MITF: variants seen among roughly 807,000 people sequenced by gnomAD.
MITF encodes microphthalmia-associated transcription factor.
MITF carries 17 observed loss-of-function variants against 60.5 expected under a neutral mutation model. The observed-to-expected ratio is 0.28, with a 90% CI of 0.19 to 0.42. The LOEUF (loss-of-function observed/expected upper bound fraction) is 0.42. Ranked by LOEUF, MITF falls within the 10% of genes least tolerant of loss-of-function variation. MITF has a pLI of 1.00. For synonymous variants in MITF, 260 were observed against 248.5 expected, an observed-to-expected ratio of 1.05 and a Z score of -0.43; for missense variants, 622 against 683.5, an observed-to-expected ratio of 0.91 and a Z score of 1.00.
chr3:69,953,660 T>TAG lies in MITF; in HGVS notation c.955+1775_955+1776insGA, dbSNP rs1315718862. ...ATATATATGTATGTATATATATATA[T>TAG]ATAGAGAGAGAGAGAGAGAGAGAGA... On this transcript the variant is annotated intron_variant, in intron 7 of 9. Transcript: ENST00000352241. Among the ~76,000 whole-genome samples, 651 of 135,704 alleles carry TAG rather than the reference T, an allele frequency of 4.8e-3. 3 individuals are homozygous for TAG. The highest frequency in any genetic ancestry group is 7.5e-3 in the Middle Eastern group (2 of 268). 89.0% of individuals were successfully genotyped at this position (135,704 alleles called of 152,430 possible). A position where few individuals can be genotyped will look rare whatever the true frequency, so the allele number is the denominator to read the frequency against.
chr3:69,907,438 A>T (rs2065124958), intron 2 of MITF, among the ~76,000 whole-genome samples: 2 of 152,192 alleles, frequency 1.3e-5, no homozygotes, highest in African/African-American at 4.8e-5. Flanking sequence ...TTGCAGCAGA[A>T]CAAGCAAATG....
intron 1 of MITF, among the ~76,000 whole-genome samples, chr3:69,811,031 C>G (rs542631257): frequency 6.6e-6 from 1 of 152,192 alleles, no homozygotes; most frequent in South Asian, 2.1e-4. Flanking sequence ...ATATTCTGCA[C>G]ATTAATTTTA....
intron 1 of MITF, among the ~76,000 whole-genome samples, chr3:69,819,570 G>A (rs948694829): frequency 5.3e-5 from 8 of 152,238 alleles, no homozygotes; most frequent in African/African-American, 1.9e-4. Context: ...CCTGGTAATA[G>A]CCGTGCCATT....
rs568575184 is a variant in MITF at position 69,887,612 on chromosome 3, A to G, written c.354+8229A>G. Among the ~76,000 whole-genome samples, 4 of 152,204 alleles carry G rather than the reference A, an allele frequency of 2.6e-5. 1 individual carries two copies. The highest frequency in any genetic ancestry group is 9.6e-5 in the African/African-American group (4 of 41,546). On this transcript the variant is annotated intron_variant, in intron 2 of 9. Transcript: ENST00000352241. ...AGGAAATGAATCCGAATTGGAGCAT[A>G]TGAATCAGGTAAAGCAGGGGGCTGT...
intron 1 of MITF, among the ~76,000 whole-genome samples, chr3:69,768,397 A>C (rs935529139): frequency 1.3e-4 from 20 of 152,332 alleles, no homozygotes; most frequent in Admixed American, 8.5e-4. Flanking sequence ...ATAGATTGAC[A>C]AGCATCTAGA....
chr3:69,804,225 TGATCAAGTTTTGTTA>T (rs2062968895), intron 1 of MITF, among the ~76,000 whole-genome samples: 1 of 152,220 alleles, frequency 6.6e-6, no homozygotes, highest in Non-Finnish European at 1.5e-5. Flanking sequence ...TTTTGTTTCT[TGATCAAGTTTTGTTA>T]GATTTCTCTT....
At chr3:69,963,504 G>A (rs1197801843) in intron 9 of MITF, among the ~76,000 whole-genome samples, 1 of 152,120 alleles carries the variant, frequency 6.6e-6, no homozygotes, top group Non-Finnish European at 1.5e-5. Context: ...CAACTTGGTA[G>A]CCATTTGAAA....
At chr3:69,888,569 G>A (rs148377848) in intron 2 of MITF, among the ~76,000 whole-genome samples, 6 of 152,022 alleles carry the variant, frequency 3.9e-5, no homozygotes, top group East Asian at 3.9e-4. Flanking sequence ...CTTAGCACAC[G>A]CCGCTAAGTA....
chr3:69,766,256 C>T (rs577305535), intron 1 of MITF, among the ~76,000 whole-genome samples: 1 of 151,042 alleles, frequency 6.6e-6, no homozygotes, highest in Non-Finnish European at 1.5e-5. Context: ...GATGGAGTCT[C>T]TTTCACCCAG....
chr3:69,963,644 C>T (rs530433464), intron 9 of MITF, among the ~76,000 whole-genome samples: 1 of 152,302 alleles, frequency 6.6e-6, no homozygotes, highest in Non-Finnish European at 1.5e-5. Context: ...TCAGATTGGA[C>T]ACCATCACCC....
In MITF at chr3:69,965,183, G is replaced by A. The variant is rs531830542; in HGVS notation, c.1516G>A (p.Gly506Arg). Residue 506 changes from glycine to arginine, a missense_variant, in exon 10 of 10, where the codon GGA becomes AGA. By Grantham distance (125) the Gly-to-Arg change is moderately radical. Coordinates refer to ENST00000352241, the MANE Select transcript of MITF (RefSeq NM_001354604.2). ...TDPLLSSVSPGASKTSSRRSS... is the reference protein window; with the variant it reads ...TDPLLSSVSPRASKTSSRRSS... The stretch of plus-strand genomic sequence containing the variant: ...TCCACTCCTTTCCTCAGTGTCCCCC[G>A]GAGCTTCCAAAACAAGCAGCCGGAG... 2.5e-5 allele frequency: 40 copies of A among 1,613,672 alleles called. No homozygotes were observed. In the Admixed American group the frequency reaches 4.0e-4, roughly 16 times the overall value.
At chr3:69,880,344 C>T (rs1257917857) in intron 2 of MITF, among the ~76,000 whole-genome samples, 1 of 152,070 alleles carries the variant, frequency 6.6e-6, no homozygotes, top group Non-Finnish European at 1.5e-5. Context: ...AATCAGGAAT[C>T]AATCTGTGAA....
intron 4 of MITF, 102 bp downstream of exon 4, chr3:69,939,283 A>G (rs1274265469): frequency 4.5e-5 from 46 of 1,017,574 alleles, no homozygotes; most frequent in Non-Finnish European, 5.5e-5. Context: ...TTTTTCCCCC[A>G]TTGTTTTTTT....
chr3:69,891,236 G>A (rs1329778008), intron 2 of MITF, among the ~76,000 whole-genome samples: 1 of 152,112 alleles, frequency 6.6e-6, no homozygotes, highest in African/African-American at 2.4e-5. Context: ...TTATGAATAT[G>A]GGCAATTGTG....
intron 1 of MITF, among the ~76,000 whole-genome samples, chr3:69,783,396 G>C (rs2062597434): frequency 6.6e-6 from 1 of 151,894 alleles, no homozygotes; most frequent in African/African-American, 2.4e-5. Flanking sequence ...AGAAAGGTAA[G>C]GGGCTTTATC....
chr3:69,769,956 AT>A (rs1369969150), intron 1 of MITF, among the ~76,000 whole-genome samples: 2 of 152,202 alleles, frequency 1.3e-5, no homozygotes, highest in African/African-American at 4.8e-5. Context: ...TTCATCTGAA[AT>A]TCAATTCAAC....
chr3:69,869,239 T>C (rs542213215), intron 1 of MITF, among the ~76,000 whole-genome samples: 1 of 152,302 alleles, frequency 6.6e-6, no homozygotes, highest in African/African-American at 2.4e-5. Context: ...GAATAAAACA[T>C]GTAAACATCT....
chr3:69,825,602 A>G lies in MITF; in HGVS notation c.105-53532A>G, dbSNP rs973882159. Among the ~76,000 whole-genome samples the G allele has an allele frequency of 5.3e-5, 8 of 152,134 alleles. No homozygotes were observed. The East Asian group carries it at 5.8e-4, about 11-fold the overall frequency. Reference sequence around the variant, plus strand: ...AAGCGTTGTTTCCTTCCACCCTCATATCTTGTGATAGGGCCATAGCAGTTG... The same window carrying G: ...AAGCGTTGTTTCCTTCCACCCTCATGTCTTGTGATAGGGCCATAGCAGTTG... On this transcript the variant is annotated intron_variant, in intron 1 of 9. Coordinates refer to ENST00000352241, the MANE Select transcript of MITF (RefSeq NM_001354604.2).
chr3:69,859,400 A>G (rs1011180790), intron 1 of MITF, among the ~76,000 whole-genome samples: 24 of 152,324 alleles, frequency 1.6e-4, no homozygotes, highest in African/African-American at 5.8e-4. Flanking sequence ...TGAATAGACT[A>G]TAAAATCTAG....
Sources: gnomAD v4.1 joint callset for allele counts (sites outside exome capture counted in the v4.1 genomes callset) on GRCh38, gnomAD v4.1.1 for gene constraint, MANE v1.5 for transcripts, NCBI Gene and HGNC (gene_info 2026-07-23, HGNC 2026-07-21) for gene names.